Variants in CSMD1 observed in about 807,000 individuals in gnomAD.
CSMD1 encodes CUB and sushi domain-containing protein 1.
Under a neutral mutation model 417.5 loss-of-function variants are expected in CSMD1, and 213 were observed. That is an observed-to-expected ratio of 0.51 (90% CI 0.46 to 0.57). CSMD1 has a LOEUF of 0.57. Among genes scored for constraint, CSMD1 ranks in the 20% least tolerant of loss-of-function variants. The probability of loss-of-function intolerance (pLI) is 0.00; values close to 1 mark genes in which losing one functional copy is unlikely to be tolerated. For missense variants in CSMD1, 6,923 were observed against 4,529.7 expected (o/e 1.53, Z -15.17); for synonymous variants, 2,862 against 1,736.8 (o/e 1.65, Z -16.11).
intron 5 of CSMD1, among the ~76,000 whole-genome samples, chr8:3,921,606 C>A (rs2954616): frequency 0.45 from 68,377 of 151,726 alleles, 15,813 homozygotes; most frequent in East Asian, 0.72. Flanking sequence ...CATTTATTTC[C>A]ATCTATTTTT....
intron 4 of CSMD1, among the ~76,000 whole-genome samples, chr8:4,023,778 T>TTG (rs1796914955): frequency 8.5e-6 from 1 of 117,792 alleles, no homozygotes; most frequent in East Asian, 3.8e-4. Context: ...TTTTTTTTTT[T>TTG]TTTTTTGTGT....
At chr8:4,932,532 G>A (rs1202738650) in intron 1 of CSMD1, among the ~76,000 whole-genome samples, 1 of 152,134 alleles carries the variant, frequency 6.6e-6, no homozygotes, top group Non-Finnish European at 1.5e-5. Flanking sequence ...TCACCTAGAA[G>A]CTAATAGAAA....
At chr8:3,331,541 C>T (rs958417589) in intron 23 of CSMD1, among the ~76,000 whole-genome samples, 2 of 152,172 alleles carry the variant, frequency 1.3e-5, no homozygotes, top group African/African-American at 2.4e-5. Context: ...ATGGAACCCT[C>T]GGTTTCCTGT....
rs369163465 is a variant in CSMD1, at chr8:4,072,932, A to G, written c.416-40833T>C. 3.2e-4 allele frequency among the ~76,000 whole-genome samples: 48 copies of G among 152,298 alleles called. No individual in the cohort carries two copies. In the East Asian group the frequency reaches 4.1e-3, roughly 13 times the overall value. On this transcript the variant is annotated intron_variant, in intron 3 of 69. Transcript: ENST00000635120. Reference sequence around the variant, plus strand: ...ACAACCTTGGATATTACCACTTAGAACATTCTTTCAAAAGTTTTTAAAATT... The same window carrying G: ...ACAACCTTGGATATTACCACTTAGAGCATTCTTTCAAAAGTTTTTAAAATT...
rs150447926 is a variant in CSMD1, at chr8:3,642,952, A to G, written c.1010-26155T>C. 2.9e-3 allele frequency among the ~76,000 whole-genome samples: 441 copies of G among 152,178 alleles called. 1 individual carries two copies. The highest frequency in any genetic ancestry group is 0.01 in the African/African-American group (417 of 41,554). Reference sequence around the variant, plus strand: ...AAACCACTAATAGTTAAAATAAAAAAATACAAATTAGGAAATTCAGGACAC... The same window carrying G: ...AAACCACTAATAGTTAAAATAAAAAGATACAAATTAGGAAATTCAGGACAC... On this transcript the variant is annotated intron_variant, in intron 7 of 69. Coordinates refer to ENST00000635120, the MANE Select transcript of CSMD1 (RefSeq NM_033225.6).
At chr8:3,555,951 G>T (rs10081475) in intron 10 of CSMD1, among the ~76,000 whole-genome samples, 8,689 of 152,084 alleles carry the variant, frequency 0.057, 244 homozygotes, top group East Asian at 0.07. Context: ...GAATAGCTCT[G>T]GTTCTCCCAA....
At chr8:3,264,149 G>A (rs892141913) in intron 26 of CSMD1, among the ~76,000 whole-genome samples, 1 of 152,070 alleles carries the variant, frequency 6.6e-6, no homozygotes, top group East Asian at 1.9e-4. Flanking sequence ...TTTCTAGCAG[G>A]TATGAACAAT....
chr8:3,524,106 CAT>C (rs1797646352), intron 10 of CSMD1, among the ~76,000 whole-genome samples: 1 of 150,840 alleles, frequency 6.6e-6, no homozygotes, highest in South Asian at 2.1e-4. Context: ...CCCAGAGAGA[CAT>C]ATGGACATAT....
chr8:4,791,093 G>A (rs962179051), intron 1 of CSMD1, among the ~76,000 whole-genome samples: 3 of 147,878 alleles, frequency 2.0e-5, no homozygotes, highest in East Asian at 1.9e-4. Flanking sequence ...TGAGAGAGAC[G>A]GTGAGAAGAG....
intron 3 of CSMD1, among the ~76,000 whole-genome samples, chr8:4,402,922 C>G (rs1032948377): frequency 8.8e-5 from 13 of 148,488 alleles, no homozygotes; most frequent in African/African-American, 3.2e-4. Context: ...TGGGTTCATG[C>G]CATTCTCCTG....
At chr8:3,453,988 G>A (rs1376945796) in intron 12 of CSMD1, among the ~76,000 whole-genome samples, 1 of 152,104 alleles carries the variant, frequency 6.6e-6, no homozygotes, top group African/African-American at 2.4e-5. Flanking sequence ...TTATGAATCT[G>A]GGTGCTCCTG....
At chr8:4,463,782 G>C (rs1016153098) in intron 2 of CSMD1, among the ~76,000 whole-genome samples, 2 of 152,076 alleles carry the variant, frequency 1.3e-5, no homozygotes, top group African/African-American at 4.8e-5. Context: ...AATGGATACT[G>C]GGTTTTTTGC....
intron 2 of CSMD1, among the ~76,000 whole-genome samples, chr8:4,601,618 TTTACAGA>T (rs1800588553): frequency 6.6e-6 from 1 of 152,154 alleles, no homozygotes; most frequent in Non-Finnish European, 1.5e-5. Context: ...GCCTTCAACA[TTTACAGA>T]TTACAAAGTA....
In CSMD1 at chr8:3,409,569, G is replaced by T. The variant is rs915549921; in HGVS notation, c.1598C>A (p.Pro533His). ...EKGGCGDPGI[P>H]AYGKRTGSSF... ...GCTGCCCGTCCGCTTCCCATAGGCGGGGATTCCAGGATCCCCACACCCTCC... is the reference window on the plus strand; with the variant it reads ...GCTGCCCGTCCGCTTCCCATAGGCGTGGATTCCAGGATCCCCACACCCTCC... Residue 533 changes from proline (P) to histidine (H), a missense_variant, in exon 13 of 70, where the codon CCC becomes CAC. Physicochemically the swap from Pro to His is moderately conservative, Grantham distance 77 (BLOSUM62 -2). Coordinates refer to ENST00000635120, the MANE Select transcript of CSMD1 (RefSeq NM_033225.6). The T allele has an allele frequency of 2.5e-6, 4 of 1,608,146 alleles. No homozygotes were observed. Among genetic ancestry groups the T allele is most frequent in the Non-Finnish European group, 3.4e-6 (4 of 1,176,960 alleles).
At chr8:4,757,592 A>T (rs1811746604) in intron 1 of CSMD1, among the ~76,000 whole-genome samples, 1 of 152,168 alleles carries the variant, frequency 6.6e-6, no homozygotes, top group African/African-American at 2.4e-5. Flanking sequence ...AGCCTACAGG[A>T]GACATATCTC....
rs1585008983 is a variant in CSMD1, at chr8:4,395,444, T to C, written c.415+24509A>G. ...TAAAAAAAACAAGAAAAGCAGTCTC[T>C]CATCAAGAATAGCAGCAAGATTACT... is the stretch of plus-strand genomic sequence containing the variant. On this transcript the variant is annotated intron_variant, in intron 3 of 69. Transcript: ENST00000635120. 2.0e-5 allele frequency among the ~76,000 whole-genome samples: 3 copies of C among 151,882 alleles called. 1 individual carries two copies. Among genetic ancestry groups the C allele is most frequent in the African/African-American group, 2.4e-5 (1 of 41,394 alleles).
chr8:3,789,719 A>G (rs1265279946), intron 5 of CSMD1, among the ~76,000 whole-genome samples: 1 of 140,704 alleles, frequency 7.1e-6, no homozygotes, highest in Non-Finnish European at 1.5e-5. Context: ...TAAAATGATC[A>G]TGGTTAATTT....
intron 7 of CSMD1, among the ~76,000 whole-genome samples, chr8:3,659,768 G>C (rs577631186): frequency 1.3e-5 from 2 of 152,218 alleles, no homozygotes; most frequent in South Asian, 2.1e-4. Flanking sequence ...TACTGGTAAA[G>C]ATCTTGAATT....
At chr8:3,908,583 T>A (rs185357275) in intron 5 of CSMD1, among the ~76,000 whole-genome samples, 1 of 152,316 alleles carries the variant, frequency 6.6e-6, no homozygotes, top group Non-Finnish European at 1.5e-5. Context: ...GCCTCTCCCT[T>A]GTTTAATCCC....
Sources: gnomAD v4.1 joint callset for allele counts (sites outside exome capture counted in the v4.1 genomes callset) on GRCh38, gnomAD v4.1.1 for gene constraint, MANE v1.5 for transcripts, NCBI Gene and HGNC (gene_info 2026-07-23, HGNC 2026-07-21) for gene names.